OTUD4: variants seen among roughly 807,000 people sequenced by gnomAD.
The protein encoded by OTUD4 is OTU deubiquitinase 4.
Under a neutral mutation model 130.4 loss-of-function variants are expected in OTUD4, and 24 were observed. That is an observed-to-expected ratio of 0.18 (90% CI 0.13 to 0.26). The LOEUF is 0.26. Ranked by LOEUF, OTUD4 falls within the 10% of genes least tolerant of loss-of-function variation. The pLI, the probability that OTUD4 is intolerant of heterozygous loss-of-function variation, is 1.00. For synonymous variants in OTUD4, 420 were observed against 472.5 expected, an observed-to-expected ratio of 0.89 and a Z score of 1.44; for missense variants, 1,031 against 1,329.4, an observed-to-expected ratio of 0.78 and a Z score of 3.49.
In OTUD4 at chr4:145,137,369, T is replaced by A. The variant is rs1455804546; in HGVS notation, c.*61A>T. 5.4e-5 allele frequency: 75 copies of A among 1,384,092 alleles called. No individual in the cohort carries two copies. The highest frequency in any genetic ancestry group is 1.9e-4 in the Middle Eastern group (1 of 5,398). The allele number at this position is 1,384,092 out of a possible 1,614,324, so 85.7% of individuals were successfully genotyped here. The stretch of plus-strand genomic sequence containing the variant: ...GGTTTTTACTTTATTGTATTTTTTT[T>A]AAAGCCTTCAGAAACATTCCACCTA... On this transcript the variant is annotated 3_prime_UTR_variant, in exon 21 of 21. Transcript: ENST00000447906.
At chr4:145,148,020 C>G (rs1474176468) in intron 13 of OTUD4, among the ~76,000 whole-genome samples, 1 of 152,096 alleles carries the variant, frequency 6.6e-6, no homozygotes, top group Non-Finnish European at 1.5e-5. Context: ...ACTGCAAATA[C>G]CACTAGGTTC....
In OTUD4 at chr4:145,135,027, A is replaced by C; in HGVS notation, c.*2403T>G. On this transcript the variant is annotated 3_prime_UTR_variant, in exon 21 of 21. Coordinates refer to ENST00000447906, the MANE Select transcript of OTUD4 (RefSeq NM_001366057.1). ...GAAGGACAAAAGCTTGCTTATCCTT[A>C]GTTTGACCTCAGCATAAGGCAAAAT... is the stretch of plus-strand genomic sequence containing the variant. 5.3e-6 allele frequency: 2 copies of C among 374,322 alleles called. No individual in the cohort carries two copies. The highest frequency in any genetic ancestry group is 9.4e-6 in the Non-Finnish European group (2 of 212,002). 23.2% of individuals were successfully genotyped at this position (374,322 alleles called of 1,614,324 possible).
In OTUD4 at chr4:145,135,791, A is replaced by G. The variant is rs1002665679; in HGVS notation, c.*1639T>C. On this transcript the variant is annotated 3_prime_UTR_variant, in exon 21 of 21. Transcript: ENST00000447906. ...AATGCTAATCACTACTCAAATCAGC[A>G]GTTACACAGACGTTAGGTAATTAAA... 6.6e-6 allele frequency: 1 copy of G among 152,638 alleles called. No individual in the cohort carries two copies. Among genetic ancestry groups the G allele is most frequent in the Admixed American group, 6.5e-5 (1 of 15,274 alleles). 9.5% of individuals were successfully genotyped at this position (152,638 alleles called of 1,614,324 possible).
intron 1 of OTUD4, among the ~76,000 whole-genome samples, chr4:145,179,229 A>C (rs1752573258): frequency 6.6e-6 from 1 of 152,182 alleles, no homozygotes; most frequent in Admixed American, 6.5e-5. Context: ...GAGCATAATA[A>C]AGGGTGGAAC....
intron 3 of OTUD4, among the ~76,000 whole-genome samples, chr4:145,166,826 C>T (rs546199786): frequency 1.1e-3 from 166 of 152,178 alleles, no homozygotes; most frequent in African/African-American, 3.7e-3. Flanking sequence ...GAGACAAGAG[C>T]GAAACTATGT....
In OTUD4 at chr4:145,136,035, G is replaced by A. The variant is rs1046239601; in HGVS notation, c.*1395C>T. On this transcript the variant is annotated 3_prime_UTR_variant, in exon 21 of 21. Coordinates refer to ENST00000447906, the MANE Select transcript of OTUD4 (RefSeq NM_001366057.1). ...AGGTATATTACACATGGCATGCAAAGAGAAATTACTACTATGTTATTTGCA... is the reference window on the plus strand; with the variant it reads ...AGGTATATTACACATGGCATGCAAAAAGAAATTACTACTATGTTATTTGCA... The A allele has an allele frequency of 5.2e-5, 8 of 152,642 alleles. No individual in the cohort carries two copies. Among genetic ancestry groups the A allele is most frequent in the Non-Finnish European group, 1.0e-4 (7 of 68,042 alleles). 9.5% of individuals were successfully genotyped at this position (152,642 alleles called of 1,614,324 possible). A position where few individuals can be genotyped will look rare whatever the true frequency, so the allele number is the denominator to read the frequency against.
In OTUD4 at chr4:145,142,173, G is replaced by T. The variant is rs370916854; in HGVS notation, c.1822+23C>A. 4.4e-6 allele frequency: 7 copies of T among 1,602,410 alleles called. No homozygotes were observed. The East Asian group carries it at 6.7e-5, about 15-fold the overall frequency. On this transcript the variant is annotated intron_variant, in intron 18 of 20. Transcript: ENST00000447906. The stretch of plus-strand genomic sequence containing the variant: ...ACTAGAAAGGTATTTTGGCTGGCTA[G>T]ATTTTCTAAACCCTTCTCTAACCTG...
At chr4:145,164,095 G>T in intron 5 of OTUD4, 59 bp downstream of exon 5, 1 of 717,282 alleles carries the variant, frequency 1.4e-6, no homozygotes, top group Non-Finnish European at 2.4e-6. Context: ...ATGAGGTCAT[G>T]GTAGCAACTA....
chr4:145,159,517 C>T lies in OTUD4; in HGVS notation c.615G>A (p.Glu205=), dbSNP rs1330176446. 1 of 1,613,534 alleles carries T rather than the reference C, an allele frequency of 6.2e-7. No individual in the cohort carries two copies. The highest frequency in any genetic ancestry group is 1.1e-5 in the South Asian group (1 of 91,046). ...TTCATTCTTACTTGCAACTGTCATC[C>T]TCTGAATCTGATATTTCACTGTTAT... is the stretch of plus-strand genomic sequence containing the variant. ...DEDNSEISDS[E]DDSCKSKTAA... Residue 205 remains glutamate, a synonymous_variant, in exon 7 of 21, where the codon GAG becomes GAA. Transcript: ENST00000447906.
chr4:145,148,828 AAAGT>A (rs1161082202), intron 13 of OTUD4, among the ~76,000 whole-genome samples: 1 of 152,202 alleles, frequency 6.6e-6, no homozygotes, highest in Non-Finnish European at 1.5e-5. Flanking sequence ...GTTAACATTC[AAAGT>A]AAGTTAATAT....
At chr4:145,148,613 ATTCAGTT>A (rs1466261975) in intron 13 of OTUD4, among the ~76,000 whole-genome samples, 1 of 152,216 alleles carries the variant, frequency 6.6e-6, no homozygotes, top group Admixed American at 6.5e-5. Context: ...TGGATTATAA[ATTCAGTT>A]TATAATAAAC....
intron 16 of OTUD4, 40 bp downstream of exon 16, chr4:145,143,906 A>C: frequency 6.7e-7 from 1 of 1,489,330 alleles, no homozygotes. Flanking sequence ...CACAGTATTA[A>C]GGAAAAAGAA....
intron 3 of OTUD4, among the ~76,000 whole-genome samples, chr4:145,167,969 G>C (rs1283718638): frequency 2.0e-5 from 3 of 151,904 alleles, no homozygotes. Context: ...AGTCTGGTTA[G>C]GTAAACAATG....
At chr4:145,171,615 A>T (rs1032826264) in intron 3 of OTUD4, 55 bp downstream of exon 3, 2 of 782,434 alleles carry the variant, frequency 2.6e-6, no homozygotes, top group Admixed American at 4.2e-5. Context: ...AATGAATTTT[A>T]AATACATTAT....
Position 145,152,613 on chromosome 4 carries a change from T to G in OTUD4, c.896A>C (p.Lys299Thr), listed in dbSNP as rs772718882. Residue 299 changes from lysine to threonine, a missense_variant, in exon 11 of 21, where the codon AAA (lysine) becomes ACA (threonine). This residue lies in a region of OTUD4 where 900 missense variants were observed against 1,095.9 expected (regional missense o/e 0.82). Coordinates refer to ENST00000447906, the MANE Select transcript of OTUD4 (RefSeq NM_001366057.1). The stretch of plus-strand genomic sequence containing the variant: ...TCCTTGAACATCTGCATTCAAAAAT[T>G]TTCCATTGTGATCCAACCTAACCTG... Reference protein sequence around the residue: ...KCQVRLDHNGKFLNADVQGIH... With the variant: ...KCQVRLDHNGTFLNADVQGIH... 6.2e-7 allele frequency: 1 copy of G among 1,611,098 alleles called. No individual in the cohort carries two copies. Among genetic ancestry groups the G allele is most frequent in the Non-Finnish European group, 8.5e-7 (1 of 1,177,556 alleles).
chr4:145,177,536 T>C (rs1034586899), intron 1 of OTUD4, among the ~76,000 whole-genome samples: 33 of 152,240 alleles, frequency 2.2e-4, no homozygotes, highest in Admixed American at 1.4e-3. Flanking sequence ...TGCAAATTAA[T>C]ATATACATGA....
Position 145,137,609 on chromosome 4 carries a change from A to T in OTUD4, c.3166T>A (p.Trp1056Arg). The T allele has an allele frequency of 6.2e-7, 1 of 1,613,406 alleles. No individual in the cohort carries two copies. Among genetic ancestry groups the T allele is most frequent in the Non-Finnish European group, 8.5e-7 (1 of 1,179,876 alleles). Residue 1056 changes from tryptophan to arginine, a missense_variant, in exon 21 of 21, where the codon TGG becomes AGG. Around this residue, in one of 3 missense-constraint regions of OTUD4, gnomAD observed 900 missense variants for 1,095.9 expected, o/e 0.82. Transcript: ENST00000447906. ...TYGSRKYKSDWGYSGRGGYQH... is the reference protein window; with the variant it reads ...TYGSRKYKSDRGYSGRGGYQH... ...TATCCACCCCTACCAGAATAGCCCC[A>T]ATCACTTTTGTACTTCCTGCTTCCA...
chr4:145,143,896 C>T, intron 16 of OTUD4, 50 bp downstream of exon 16: 3 of 1,311,024 alleles, frequency 2.3e-6, no homozygotes, highest in Non-Finnish European at 3.3e-6. Context: ...TACTGTACTA[C>T]ACAGTATTAA....
At position 145,134,841 on chromosome 4, in the gene OTUD4, A is replaced by G; in HGVS notation, c.*2589T>C. ...AAGCACCTAACACAAAAAACAGGTGAGCTTTGGTCAGTCTGTTCTTCAAAA... is the reference window on the plus strand; with the variant it reads ...AAGCACCTAACACAAAAAACAGGTGGGCTTTGGTCAGTCTGTTCTTCAAAA... On this transcript the variant is annotated 3_prime_UTR_variant, in exon 21 of 21. Coordinates refer to ENST00000447906, the MANE Select transcript of OTUD4 (RefSeq NM_001366057.1). The G allele has an allele frequency of 5.0e-6, 2 of 399,000 alleles. No individual in the cohort carries two copies. The highest frequency in any genetic ancestry group is 1.3e-3 in the Middle Eastern group (2 of 1,586). 24.7% of individuals were successfully genotyped at this position (399,000 alleles called of 1,614,324 possible). A position where few individuals can be genotyped will look rare whatever the true frequency, so the allele number is the denominator to read the frequency against.
Sources: gnomAD v4.1 joint callset for allele counts (sites outside exome capture counted in the v4.1 genomes callset) on GRCh38, gnomAD v4.1.1 for gene constraint, gnomAD v4.1.1 regional missense constraint, MANE v1.5 for transcripts, NCBI Gene and HGNC (gene_info 2026-07-23, HGNC 2026-07-21) for gene names.